The following PREX2 variants were observed in gnomAD, a reference collection of about 807,000 sequenced individuals.
PREX2 encodes the protein phosphatidylinositol-3,4,5-trisphosphate dependent Rac exchange factor 2, also known as phosphatidylinositol 3,4,5-trisphosphate-dependent Rac exchanger 2 protein.
In PREX2, 107 loss-of-function variants were observed where a neutral mutation model predicts 203.2. The ratio of observed to expected loss-of-function variants is 0.53; its 90% CI spans 0.45 to 0.62. PREX2 has a LOEUF of 0.62. Among genes scored for constraint, PREX2 ranks in the 20% least tolerant of loss-of-function variants. The probability of loss-of-function intolerance (pLI) is 0.00; values close to 1 mark genes in which losing one functional copy is unlikely to be tolerated. For synonymous variants in PREX2, 672 were observed against 663.6 expected (o/e 1.01, Z -0.19); for missense variants, 1,777 against 1,955.9 (o/e 0.91, Z 1.72).
At chr8:68,072,281 T>C (rs1226310653) in intron 13 of PREX2, among the ~76,000 whole-genome samples, 1 of 152,188 alleles carries the variant, frequency 6.6e-6, no homozygotes. Flanking sequence ...TGTGAGTCTC[T>C]TCCCTTGGTA....
intron 22 of PREX2, among the ~76,000 whole-genome samples, chr8:68,098,936 G>GTCTATA (rs1353078022): frequency 1.3e-5 from 1 of 74,840 alleles, no homozygotes; most frequent in Non-Finnish European, 2.7e-5. Context: ...ACATATATAT[G>GTCTATA]TGTATATATA....
chr8:68,014,355 C>G (rs1807350928), intron 1 of PREX2, among the ~76,000 whole-genome samples: 1 of 152,016 alleles, frequency 6.6e-6, no homozygotes, highest in African/African-American at 2.4e-5. Flanking sequence ...AGAGTGATAT[C>G]TAGGAATATT....
chr8:68,055,002 G>T (rs1388769420), intron 9 of PREX2, among the ~76,000 whole-genome samples: 1 of 152,142 alleles, frequency 6.6e-6, no homozygotes, highest in Non-Finnish European at 1.5e-5. Flanking sequence ...TTTGCCCTAT[G>T]GCCCTACCCT....
At chr8:68,070,504 A>G (rs1809164582) in intron 13 of PREX2, among the ~76,000 whole-genome samples, 2 of 152,206 alleles carry the variant, frequency 1.3e-5, no homozygotes, top group East Asian at 1.9e-4. Flanking sequence ...GGTTTGTATT[A>G]TGATTACTAA....
At chr8:68,203,516 C>A (rs1014446428) in intron 37 of PREX2, among the ~76,000 whole-genome samples, 2 of 152,068 alleles carry the variant, frequency 1.3e-5, no homozygotes, top group South Asian at 2.1e-4. Flanking sequence ...GCAGAGAAGG[C>A]TTTACAGAGA....
rs3812453 is a variant in PREX2 at position 68,030,810 on chromosome 8, C to T, written c.705+152C>T. ...AATTCTGAAAAGTGCTCACTTTCAT[C>T]ATTATTTTAAAGTATCTTTAAGGTG... On this transcript the variant is annotated intron_variant, in intron 6 of 39. Transcript: ENST00000288368. The T allele has an allele frequency of 3.9e-5, 29 of 748,622 alleles. No homozygotes were observed. The East Asian group carries it at 7.5e-4, about 19-fold the overall frequency. The allele number at this position is 748,622 out of a possible 1,614,324, so 46.4% of individuals were successfully genotyped here. A position where few individuals can be genotyped will look rare whatever the true frequency, so the allele number is the denominator to read the frequency against.
chr8:68,160,334 CAT>C (rs1460530727), intron 35 of PREX2, among the ~76,000 whole-genome samples: 3 of 152,104 alleles, frequency 2.0e-5, no homozygotes, highest in Non-Finnish European at 1.5e-5. Flanking sequence ...TTAAAATCAT[CAT>C]AGTTATATAT....
chr8:68,130,433 T>G (rs1434756), intron 31 of PREX2, among the ~76,000 whole-genome samples: 43,028 of 152,080 alleles, frequency 0.28, 6,247 homozygotes, highest in East Asian at 0.36. Context: ...TAGATTTTGT[T>G]GTATTTATGT....
intron 35 of PREX2, among the ~76,000 whole-genome samples, chr8:68,177,855 G>A (rs746207718): frequency 4.6e-5 from 7 of 151,962 alleles, no homozygotes; most frequent in East Asian, 1.9e-4. Context: ...TGTTCTCAGC[G>A]TTTAGCTTCC....
chr8:68,132,003 G>A (rs991542781), intron 31 of PREX2, among the ~76,000 whole-genome samples: 10 of 152,032 alleles, frequency 6.6e-5, no homozygotes, highest in Non-Finnish European at 1.3e-4. Context: ...AAAGATGTAG[G>A]GCAATTTATT....
At chr8:68,191,568 C>G (rs186043514) in intron 35 of PREX2, among the ~76,000 whole-genome samples, 154 bp from the exon 36 acceptor site, 47 of 152,228 alleles carry the variant, frequency 3.1e-4, no homozygotes, top group Admixed American at 1.0e-3. Flanking sequence ...AAAATGGAAA[C>G]CTTTTGACAT....
At chr8:68,095,939 G>A (rs1397508892) in intron 21 of PREX2, among the ~76,000 whole-genome samples, 5 of 152,086 alleles carry the variant, frequency 3.3e-5, no homozygotes, top group African/African-American at 1.2e-4. Flanking sequence ...ATGGCGCCTA[G>A]CCTGTATTTC....
intron 22 of PREX2, 78 bp from the exon 23 acceptor site, chr8:68,099,604 G>A: frequency 7.2e-7 from 1 of 1,383,624 alleles, no homozygotes; most frequent in Non-Finnish European, 9.9e-7. Context: ...TTTTCTTCTT[G>A]TTTCGTTTTG....
chr8:68,115,324 G>A lies in PREX2; in HGVS notation c.3147-429G>A, dbSNP rs139420680. Among the ~76,000 whole-genome samples the A allele has an allele frequency of 7.4e-3, 1,130 of 152,230 alleles. 11 individuals carry two copies. The highest frequency in any genetic ancestry group is 0.026 in the African/African-American group (1,086 of 41,520). ...ATTACAGGCATGAGCCACAACACCC[G>A]GCTGATTACCGAGTATTTTCATAAG... On this transcript the variant is annotated intron_variant, in intron 25 of 39. Coordinates refer to ENST00000288368, the MANE Select transcript of PREX2 (RefSeq NM_024870.4).
rs781765478 is a variant in PREX2 at position 68,019,654 on chromosome 8, A to G, written c.319A>G (p.Thr107Ala). Residue 107 changes from threonine (T) to alanine (A), a missense_variant, in exon 3 of 40, where the codon ACC becomes GCC. Physicochemically the swap from Thr to Ala is moderately conservative, Grantham distance 58. Transcript: ENST00000288368. ...ACCTAATGCTCAACAAGAAGTGGGA[A>G]CCTGCTTTCTTCACTTTGTAGGATA... ...PEPNAQQEVG[T>A]CFLHFKDKFR... is the part of the protein sequence containing the mutation. The G allele has an allele frequency of 1.2e-6, 2 of 1,607,286 alleles. No homozygotes were observed. Among genetic ancestry groups the G allele is most frequent in the South Asian group, 2.2e-5 (2 of 89,048 alleles).
intron 30 of PREX2, among the ~76,000 whole-genome samples, chr8:68,123,600 C>T (rs1237214984): frequency 6.6e-6 from 1 of 151,792 alleles, no homozygotes; most frequent in African/African-American, 2.4e-5. Flanking sequence ...ATGTTATGTG[C>T]ATTTACACAT....
chr8:68,172,396 G>C (rs984620287), intron 35 of PREX2, among the ~76,000 whole-genome samples: 1 of 152,174 alleles, frequency 6.6e-6, no homozygotes, highest in African/African-American at 2.4e-5. Context: ...AAGTACCAAG[G>C]ACAGCACCTC....
At chr8:67,970,814 T>G (rs1805905224) in intron 1 of PREX2, among the ~76,000 whole-genome samples, 1 of 152,172 alleles carries the variant, frequency 6.6e-6, no homozygotes, top group African/African-American at 2.4e-5. Context: ...CAGGGCTCAC[T>G]TCATCCACCT....
At chr8:68,049,397 A>G (rs749662090) in intron 8 of PREX2, among the ~76,000 whole-genome samples, 58 of 152,014 alleles carry the variant, frequency 3.8e-4, no homozygotes, top group Admixed American at 6.6e-4. Context: ...TAGCCTGTTT[A>G]TAATACTTGG....
Sources: gnomAD v4.1 joint callset for allele counts (sites outside exome capture counted in the v4.1 genomes callset) on GRCh38, gnomAD v4.1.1 for gene constraint, MANE v1.5 for transcripts, NCBI Gene and HGNC (gene_info 2026-07-23, HGNC 2026-07-21) for gene names.